Variants in KCNN2 observed in about 807,000 individuals in gnomAD.
KCNN2 encodes the protein small conductance calcium-activated potassium channel protein 2.
A neutral mutation model predicts 55.5 loss-of-function variants in KCNN2; 24 were observed. That is an observed-to-expected ratio of 0.43 (90% CI 0.31 to 0.61). The LOEUF is 0.61. KCNN2 is among the 20% of genes least tolerant of loss of function. The pLI, the probability that KCNN2 is intolerant of heterozygous loss-of-function variation, is 0.08. For missense variants in KCNN2, 754 were observed against 853.6 expected, an observed-to-expected ratio of 0.88 and a Z score of 1.45; for synonymous variants, 431 against 336.1, an observed-to-expected ratio of 1.28 and a Z score of -3.09.
At chr5:114,161,340 C>G (rs6863502) in intron 1 of KCNN2, among the ~76,000 whole-genome samples, 1 of 137,312 alleles carries the variant, frequency 7.3e-6, no homozygotes, top group African/African-American at 2.7e-5. Flanking sequence ...CCCACTCTCT[C>G]CTGGCTTGTA....
rs188139074 is a variant in KCNN2, at chr5:114,280,572, T to G, written c.-185+59007T>G. 5.9e-4 allele frequency among the ~76,000 whole-genome samples: 90 copies of G among 152,272 alleles called. 3 individuals are homozygous for G. In the East Asian group the frequency reaches 0.016, roughly 27 times the overall value. On this transcript the variant is annotated intron_variant, in intron 2 of 10. Coordinates refer to the KCNN2 transcript ENST00000512097. ...TTAAATAGGTAATTCTTTCCCCATT[T>G]CTTGTTTTTGTCTGGTTTGTCAAAG...
Position 114,363,076 on chromosome 5 carries a change from C to T in KCNN2, c.937C>T (p.His313Tyr), listed in dbSNP as rs1757492545. Residue 313 changes from histidine (H) to tyrosine (Y), a missense_variant, in exon 1 of 8, where the codon CAC (histidine) becomes TAC (tyrosine). By Grantham distance (83) the His-to-Tyr change is moderately conservative. Around this residue, in one of 4 missense-constraint regions of KCNN2, gnomAD observed 381 missense variants for 259.1 expected, o/e 1.47. Coordinates refer to ENST00000673685, the MANE Select transcript of KCNN2 (RefSeq NM_021614.4). ...AGGCGGCGGCGGTGGCGGGAGCGGG[C>T]ACGGCAGCAGCAGTGGCACCAAGTC... Reference protein sequence around the residue: ...GGGGGGGGSGHGSSSGTKSSK... With the variant: ...GGGGGGGGSGYGSSSGTKSSK... 6.2e-7 allele frequency: 1 copy of T among 1,610,378 alleles called. No individual in the cohort carries two copies. Among genetic ancestry groups the T allele is most frequent in the Non-Finnish European group, 8.5e-7 (1 of 1,179,538 alleles).
At chr5:114,321,817 G>A (rs745663147) in intron 2 of KCNN2, among the ~76,000 whole-genome samples, 16 of 151,912 alleles carry the variant, frequency 1.1e-4, no homozygotes, top group African/African-American at 1.5e-4. Context: ...TTACAGGCAC[G>A]TGCCACCATG....
chr5:114,242,900 C>T (rs747139737), intron 2 of KCNN2, among the ~76,000 whole-genome samples: 1 of 152,030 alleles, frequency 6.6e-6, no homozygotes. Context: ...AAATGAGGCC[C>T]AACATGCCTT....
intron 4 of KCNN2, among the ~76,000 whole-genome samples, chr5:114,464,821 CGGT>C (rs1761366465): frequency 2.0e-5 from 1 of 49,270 alleles, no homozygotes; most frequent in African/African-American, 6.2e-5. Flanking sequence ...AAAAAAAAAA[CGGT>C]ATGCTGCATT....
At chr5:114,345,485 A>C (rs1004509830) in intron 2 of KCNN2, among the ~76,000 whole-genome samples, 1 of 152,254 alleles carries the variant, frequency 6.6e-6, no homozygotes, top group Non-Finnish European at 1.5e-5. Context: ...AATGCTAATT[A>C]AAATCAACCA....
chr5:114,209,622 T>G (rs1278480584), intron 1 of KCNN2, among the ~76,000 whole-genome samples: 1 of 152,096 alleles, frequency 6.6e-6, no homozygotes, highest in Non-Finnish European at 1.5e-5. Flanking sequence ...GGAATGAGGA[T>G]GTGGGTTTAT....
chr5:114,324,620 C>G (rs1756680341), intron 2 of KCNN2, among the ~76,000 whole-genome samples: 2 of 152,172 alleles, frequency 1.3e-5, no homozygotes, highest in Non-Finnish European at 2.9e-5. Context: ...AATCTACAGA[C>G]TTTTACTATA....
At chr5:114,472,756 T>G (rs899866895) in intron 4 of KCNN2, among the ~76,000 whole-genome samples, 32 of 152,342 alleles carry the variant, frequency 2.1e-4, no homozygotes, top group African/African-American at 7.7e-4. Context: ...ACTGACTTGC[T>G]CTGTTTTTTA....
At chr5:114,267,858 C>G (rs761475699) in intron 2 of KCNN2, among the ~76,000 whole-genome samples, 4 of 152,150 alleles carry the variant, frequency 2.6e-5, no homozygotes, top group Non-Finnish European at 4.4e-5. Context: ...GATGCAGAAG[C>G]TTTGAGTCAG....
chr5:114,345,180 T>C (rs1490237738), intron 2 of KCNN2, among the ~76,000 whole-genome samples: 1 of 152,186 alleles, frequency 6.6e-6, no homozygotes, highest in Non-Finnish European at 1.5e-5. Context: ...TATAGATACA[T>C]TTCCAAAATA....
intron 1 of KCNN2, among the ~76,000 whole-genome samples, chr5:114,100,348 G>T (rs1751348106): frequency 6.6e-6 from 1 of 152,076 alleles, no homozygotes; most frequent in African/African-American, 2.4e-5. Context: ...AAAGTAAAAT[G>T]AATCCCAAAG....
At chr5:114,468,498 T>C (rs938124585) in intron 4 of KCNN2, among the ~76,000 whole-genome samples, 1 of 152,192 alleles carries the variant, frequency 6.6e-6, no homozygotes, top group Non-Finnish European at 1.5e-5. Flanking sequence ...AGCGTGATTT[T>C]TTTTCAAGTT....
intron 6 of KCNN2, among the ~76,000 whole-genome samples, chr5:114,491,533 G>GAAAA (rs1289351712): frequency 1.1e-5 from 1 of 91,754 alleles, no homozygotes; most frequent in African/African-American, 4.2e-5. Context: ...TTTAAAAAAA[G>GAAAA]AAAAAAAAAA....
chr5:114,376,318 A>G (rs569352499), intron 2 of KCNN2, among the ~76,000 whole-genome samples: 1 of 152,296 alleles, frequency 6.6e-6, no homozygotes, highest in Non-Finnish European at 1.5e-5. Context: ...CTGCACAGAG[A>G]CCACACGGAA....
intron 2 of KCNN2, among the ~76,000 whole-genome samples, chr5:114,369,471 A>G (rs1339408756): frequency 6.6e-6 from 1 of 152,178 alleles, no homozygotes; most frequent in East Asian, 1.9e-4. Context: ...ATTGGTCTTA[A>G]GTTTTCTGCT....
rs533927809 is a variant in KCNN2, at chr5:114,313,549, T to G, written c.-184-47396T>G. Among the ~76,000 whole-genome samples, 4 of 152,200 alleles carry G rather than the reference T, an allele frequency of 2.6e-5. No individual in the cohort carries two copies. The East Asian group carries it at 7.7e-4, about 29-fold the overall frequency. On this transcript the variant is annotated intron_variant, in intron 2 of 10. Transcript: ENST00000512097. ...GACAAAGATGAAGATGAAGATGAAA[T>G]GTACTCACAGAAGCACGAAGTTTGG...
intron 1 of KCNN2, among the ~76,000 whole-genome samples, chr5:114,103,378 T>C (rs1751412058): frequency 6.6e-6 from 1 of 152,144 alleles, no homozygotes; most frequent in Admixed American, 6.6e-5. Context: ...CAAACAGAGA[T>C]AATTTGACTT....
chr5:114,127,362 C>A (rs895605076), intron 1 of KCNN2, among the ~76,000 whole-genome samples: 10 of 152,164 alleles, frequency 6.6e-5, no homozygotes, highest in African/African-American at 2.4e-4. Flanking sequence ...AGTGGAGGTT[C>A]CCCAACGTCA....
Sources: gnomAD v4.1 joint callset for allele counts (sites outside exome capture counted in the v4.1 genomes callset) on GRCh38, gnomAD v4.1.1 for gene constraint, gnomAD v4.1.1 regional missense constraint, MANE v1.5 for transcripts, NCBI Gene and HGNC (gene_info 2026-07-23, HGNC 2026-07-21) for gene names.